The following ASB2 variants were observed in gnomAD, a reference collection of about 807,000 sequenced individuals.
ASB2 encodes ankyrin repeat and SOCS box containing 2.
In ASB2, 58 loss-of-function variants were observed where a neutral mutation model predicts 62.4. The ratio of observed to expected loss-of-function variants is 0.93; its 90% CI spans 0.75 to 1.16. The LOEUF is 1.16. Ranked by LOEUF, ASB2 falls within the 50% of genes most tolerant of loss-of-function variation. The probability of loss-of-function intolerance (pLI) is 0.00; values close to 1 mark genes in which losing one functional copy is unlikely to be tolerated. For missense variants in ASB2, 928 were observed against 887.9 expected, an observed-to-expected ratio of 1.05 and a Z score of -0.57; for synonymous variants, 386 against 385.3, an observed-to-expected ratio of 1.00 and a Z score of -0.02.
rs575186002 is a variant in ASB2 at position 93,965,676 on chromosome 14, C to T, written c.-73-1064G>A. The stretch of plus-strand genomic sequence containing the variant: ...TCACATGGCCCTCTAAAAAATACCC[C>T]GAATACCAGTGCATTACTTTGATTT... On this transcript the variant is annotated intron_variant, in intron 1 of 9. Transcript: ENST00000555019. Among the ~76,000 whole-genome samples, 10 of 152,302 alleles carry T rather than the reference C, an allele frequency of 6.6e-5. No individual in the cohort carries two copies. In the East Asian group the frequency reaches 1.2e-3, roughly 18 times the overall value.
chr14:93,956,961 AGAGCCAGG>A (rs1433330927), intron 2 of ASB2, 91 bp from the exon 3 acceptor site: 1 of 1,581,178 alleles, frequency 6.3e-7, no homozygotes, highest in Admixed American at 1.7e-5. Context: ...GGATGGAGGG[AGAGCCAGG>A]GAGAGACTGA....
rs182579095 is a variant in ASB2 at position 93,946,453 on chromosome 14, G to C, written c.1052+896C>G. ...CAAGCAAGGGCAGAGAAGGGGGAAAGGACTCTGGTTTGTAGCATTTGCCTA... is the reference window on the plus strand; with the variant it reads ...CAAGCAAGGGCAGAGAAGGGGGAAACGACTCTGGTTTGTAGCATTTGCCTA... On this transcript the variant is annotated intron_variant, in intron 7 of 9. Coordinates refer to ENST00000555019, the MANE Select transcript of ASB2 (RefSeq NM_001202429.2). 2.6e-5 allele frequency among the ~76,000 whole-genome samples: 4 copies of C among 152,374 alleles called. No individual in the cohort carries two copies. The East Asian group carries it at 7.7e-4, about 29-fold the overall frequency.
In ASB2 at chr14:93,947,501, C is replaced by G; in HGVS notation, c.900G>C (p.Gln300His). ...LAKYGADINT[Q>H]ASDNASALYE... ...AGAGGGCAGACGCGTTGTCGCTGGC[C>G]TGCGTGTTGATGTCAGCACCTGGGG... Residue 300 changes from glutamine (Q) to histidine (H), a missense_variant, in exon 7 of 10, where the codon CAG (glutamine) becomes CAC (histidine). Gln to His is a conservative substitution (Grantham distance 24, BLOSUM62 0). Transcript: ENST00000555019. 6.2e-7 allele frequency: 1 copy of G among 1,614,088 alleles called. No homozygotes were observed. The highest frequency in any genetic ancestry group is 8.5e-7 in the Non-Finnish European group (1 of 1,180,042).
Position 93,951,213 on chromosome 14 carries a change from C to G in ASB2, c.666G>C (p.Lys222Asn). The part of the protein sequence containing the change: ...ACERKNAEAV[K>N]ILVQHNADTN... Reference sequence around the variant, plus strand: ...TGTCTGCATTGTGCTGCACCAGAATCTTCACGGCCTCCGCGTTCTTGCGCT... The same window carrying G: ...TGTCTGCATTGTGCTGCACCAGAATGTTCACGGCCTCCGCGTTCTTGCGCT... The change falls in exon 6 of 10, where the codon AAG (lysine) becomes AAC (asparagine). Residue 222 changes from lysine to asparagine, a missense_variant. Lys to Asn is a moderately conservative substitution (Grantham distance 94, BLOSUM62 0). Transcript: ENST00000555019. 2 of 1,608,680 alleles carry G rather than the reference C, an allele frequency of 1.2e-6. No homozygotes were observed. Among genetic ancestry groups the G allele is most frequent in the Non-Finnish European group, 1.7e-6 (2 of 1,177,456 alleles).
chr14:93,939,143 CG>C lies in ASB2; in HGVS notation c.1581del (p.Asp527GlufsTer23), dbSNP rs1203626977. The C allele has an allele frequency of 3.8e-6, 6 of 1,560,798 alleles. No homozygotes were observed. Among genetic ancestry groups the C allele is most frequent in the Non-Finnish European group, 5.2e-6 (6 of 1,150,274 alleles). On this transcript the variant is annotated frameshift_variant, in exon 8 of 10. Transcript: ENST00000555019. LOFTEE classifies it high-confidence loss of function. ...PAPQPSSRFN[D>X]APAADKEPSV... ...CTGGGCTCCTTGTCGGCCGCGGGCG[CG>C]TCGTTGAACCTGCTGGAGGGCTGCG...
Position 93,957,363 on chromosome 14 carries a change from A to G in ASB2, c.207-493T>C, listed in dbSNP as rs146176608. ...AGCTGTACCTGTGCCCCCCACGCCC[A>G]CCTGCCAGCTCATTAGGGGATCTTG... On this transcript the variant is annotated intron_variant, in intron 2 of 9. Coordinates refer to ENST00000555019, the MANE Select transcript of ASB2 (RefSeq NM_001202429.2). The G allele has an allele frequency of 8.6e-4, 880 of 1,022,504 alleles. 8 individuals are homozygous for G. The African/African-American group carries it at 0.013, about 15-fold the overall frequency. The allele number at this position is 1,022,504 out of a possible 1,614,324, so 63.3% of individuals were successfully genotyped here. A position where few individuals can be genotyped will look rare whatever the true frequency, so the allele number is the denominator to read the frequency against.
rs1889917789 is a variant in ASB2 at position 93,976,560 on chromosome 14, C to A, written c.-200G>T. 6.6e-6 allele frequency: 1 copy of A among 152,234 alleles called. No homozygotes were observed. Among genetic ancestry groups the A allele is most frequent in the Non-Finnish European group, 1.5e-5 (1 of 68,052 alleles). 9.4% of individuals were successfully genotyped at this position (152,234 alleles called of 1,614,324 possible). A position where few individuals can be genotyped will look rare whatever the true frequency, so the allele number is the denominator to read the frequency against. On this transcript the variant is annotated 5_prime_UTR_variant, in exon 1 of 10. Transcript: ENST00000555019. ...TGGCCCCAAGCTTCTGGCTGCTCTGCCAGGCAGTTCTGAAACGCTGTCCTT... is the reference window on the plus strand; with the variant it reads ...TGGCCCCAAGCTTCTGGCTGCTCTGACAGGCAGTTCTGAAACGCTGTCCTT...
At chr14:93,975,226 G>T (rs1266570515) in intron 1 of ASB2, among the ~76,000 whole-genome samples, 1 of 152,252 alleles carries the variant, frequency 6.6e-6, no homozygotes, top group African/African-American at 2.4e-5. Flanking sequence ...CTTCAGAAGA[G>T]CATTCCTGTC....
intron 7 of ASB2, 29 bp downstream of exon 7, chr14:93,947,320 G>C: frequency 6.2e-7 from 1 of 1,611,832 alleles, no homozygotes; most frequent in Non-Finnish European, 8.5e-7. Flanking sequence ...CGGGAGAGCT[G>C]CCTGGGTGCT....
intron 2 of ASB2, chr14:93,957,455 C>T (rs942308735): frequency 1.2e-5 from 11 of 947,996 alleles, no homozygotes; most frequent in African/African-American, 5.3e-5. Flanking sequence ...TGAGGAAGGG[C>T]GTCGGAACCA....
Position 93,939,509 on chromosome 14 carries a change from G to GTC in ASB2, c.1215_1216insGA (p.Leu406AspfsTer82). On this transcript the variant is annotated frameshift_variant, in exon 8 of 10. Coordinates refer to ENST00000555019, the MANE Select transcript of ASB2 (RefSeq NM_001202429.2). LOFTEE classifies it high-confidence loss of function. ...GCGGAGCTGCGCCGGTCTTCGTAGA[G>GTC]GCGCGCGCGCTCGGGGGCCAGCGGC... 6.2e-7 allele frequency: 1 copy of GTC among 1,608,074 alleles called. No individual in the cohort carries two copies. Among genetic ancestry groups the GTC allele is most frequent in the Non-Finnish European group, 8.5e-7 (1 of 1,177,448 alleles).
rs1265837333 is a variant in ASB2, at chr14:93,960,984, T to TAAACAAACAAAC, written c.206+3349_206+3350insGTTTGTTTGTTT. ...ATAAATAAATAAATAAATAAATAAA[T>TAAACAAACAAAC]AAACAGTATCAGCTCAGCTCTCTGT... On this transcript the variant is annotated intron_variant, in intron 2 of 9. Transcript: ENST00000555019. Among the ~76,000 whole-genome samples the TAAACAAACAAAC allele has an allele frequency of 5.2e-3, 778 of 150,840 alleles. 7 individuals carry two copies. Among genetic ancestry groups the TAAACAAACAAAC allele is most frequent in the African/African-American group, 0.018 (710 of 40,366 alleles).
At chr14:93,953,261 G>T (rs1231142821) in intron 5 of ASB2, 91 bp downstream of exon 5, 3 of 1,167,076 alleles carry the variant, frequency 2.6e-6, no homozygotes, top group Non-Finnish European at 3.6e-6. Flanking sequence ...CACGTTGGGG[G>T]TTATGCACTT....
intron 6 of ASB2, among the ~76,000 whole-genome samples, chr14:93,949,585 C>T (rs372444414): frequency 2.0e-5 from 3 of 152,168 alleles, no homozygotes; most frequent in African/African-American, 4.8e-5. Context: ...GCCAGTGAGC[C>T]GCCCTAACCC....
Position 93,967,803 on chromosome 14 carries a change from C to T in ASB2, c.-73-3191G>A, listed in dbSNP as rs564211667. Among the ~76,000 whole-genome samples the T allele has an allele frequency of 7.2e-5, 11 of 152,178 alleles. No individual in the cohort carries two copies. The South Asian group carries it at 8.3e-4, about 11-fold the overall frequency. ...ATTGGCCATGGGGGAACAGAAAACC[C>T]GGGGGGAGTGGAGGGATCTTGAGTC... is the stretch of plus-strand genomic sequence containing the variant. On this transcript the variant is annotated intron_variant, in intron 1 of 9. Transcript: ENST00000555019.
chr14:93,943,067 C>G (rs1470786330), intron 7 of ASB2, among the ~76,000 whole-genome samples: 1 of 152,212 alleles, frequency 6.6e-6, no homozygotes, highest in Non-Finnish European at 1.5e-5. Context: ...AACTTAATCT[C>G]ATTTACTCAT....
chr14:93,957,283 C>T, intron 2 of ASB2: 1 of 1,125,874 alleles, frequency 8.9e-7, no homozygotes, highest in Non-Finnish European at 1.1e-6. Context: ...CCCTGCGGGG[C>T]TGGATGAGAG....
At chr14:93,954,537 G>T in intron 3 of ASB2, 54 bp from the exon 4 acceptor site, 3 of 1,560,830 alleles carry the variant, frequency 1.9e-6, no homozygotes, top group Non-Finnish European at 2.6e-6. Flanking sequence ...GCCAGGCCAG[G>T]GGGCCTCTCT....
chr14:93,956,826 C>T lies in ASB2; in HGVS notation c.251G>A (p.Gly84Asp). 1.2e-6 allele frequency: 2 copies of T among 1,614,200 alleles called. No homozygotes were observed. Among genetic ancestry groups the T allele is most frequent in the Non-Finnish European group, 1.7e-6 (2 of 1,180,030 alleles). ...TTTCTGCATGACCCCTTGGAACAAGCCCATTGGGGCCCGGGCCGGCGAACT... is the reference window on the plus strand; with the variant it reads ...TTTCTGCATGACCCCTTGGAACAAGTCCATTGGGGCCCGGGCCGGCGAACT... ...PESSPARAPM[G>D]LFQGVMQKYS... Residue 84 changes from glycine to aspartate, a missense_variant, in exon 3 of 10, where the codon GGC (glycine) becomes GAC (aspartate). Transcript: ENST00000555019.
Sources: allele counts gnomAD v4.1 joint callset (sites outside exome capture counted in the v4.1 genomes callset), GRCh38; gene constraint gnomAD v4.1.1; transcripts MANE v1.5; gene names NCBI Gene and HGNC (gene_info 2026-07-23, HGNC 2026-07-21).